The following MFSD8 variants were observed in gnomAD, a reference collection of about 807,000 sequenced individuals.
MFSD8 encodes major facilitator superfamily domain containing 8.
In MFSD8, 55 loss-of-function variants were observed where a neutral mutation model predicts 66.4. The ratio of observed to expected loss-of-function variants is 0.83; its 90% CI spans 0.67 to 1.04. MFSD8 has a LOEUF of 1.04. MFSD8 is among the 50% of genes least tolerant of loss of function. The pLI is 0.00. For missense variants in MFSD8, 550 were observed against 627.6 expected (o/e 0.88, Z 1.32); for synonymous variants, 202 against 212.8 (o/e 0.95, Z 0.44).
At chr4:127,956,285 C>G (rs1244282155) in intron 2 of MFSD8, among the ~76,000 whole-genome samples, 1 of 151,728 alleles carries the variant, frequency 6.6e-6, no homozygotes, top group Non-Finnish European at 1.5e-5. Context: ...TCTGGCAGAT[C>G]ACGAGGTCAG....
At position 127,921,901 on chromosome 4, in the gene MFSD8, A is replaced by C; in HGVS notation, c.1061T>G (p.Leu354Trp). ...GGGAAATTGATTTCCCCAAGGTAAC[A>C]AGATAAAGAAGCCAACCCATACAAC... ...LIVVWVGFFI[L>W]LPWGNQFPKI... is the part of the protein sequence containing the mutation. Residue 354 changes from leucine to tryptophan, a missense_variant, in exon 10 of 12, where the codon TTG becomes TGG. Coordinates refer to ENST00000641686, the MANE Select transcript of MFSD8 (RefSeq NM_001371596.2). 6.2e-7 allele frequency: 1 copy of C among 1,614,202 alleles called. No homozygotes were observed. The highest frequency in any genetic ancestry group is 8.5e-7 in the Non-Finnish European group (1 of 1,180,028).
intron 2 of MFSD8, among the ~76,000 whole-genome samples, chr4:127,952,754 C>T (rs933343095): frequency 6.6e-6 from 1 of 150,914 alleles, no homozygotes; most frequent in Non-Finnish European, 1.5e-5. Flanking sequence ...CCTGTAGTCT[C>T]ATCTATTCAG....
At chr4:127,959,219 T>C (rs1743352174) in intron 1 of MFSD8, among the ~76,000 whole-genome samples, 1 of 152,326 alleles carries the variant, frequency 6.6e-6, no homozygotes, top group East Asian at 1.9e-4. Context: ...AAACAGTCCA[T>C]AAATCCAGAA....
At chr4:127,927,174 G>GT (rs11335208) in intron 9 of MFSD8, among the ~76,000 whole-genome samples, 337 of 147,552 alleles carry the variant, frequency 2.3e-3, no homozygotes, top group African/African-American at 6.5e-3. Context: ...TGTATTAAAT[G>GT]TTTTTTTTTT....
intron 3 of MFSD8, among the ~76,000 whole-genome samples, chr4:127,947,481 G>A (rs548447438): frequency 6.6e-6 from 1 of 151,914 alleles, no homozygotes; most frequent in Admixed American, 6.6e-5. Flanking sequence ...GGGAGACTGA[G>A]GCAGGAGAAT....
chr4:127,965,680 C>G (rs1745074782), upstream of MFSD8: 1 of 176,990 alleles, frequency 5.7e-6, no homozygotes, highest in Non-Finnish European at 1.2e-5. Context: ...GTGTACGCGC[C>G]TGGAGGCAGG....
chr4:127,957,985 T>A (rs915839638), intron 1 of MFSD8, among the ~76,000 whole-genome samples: 3 of 152,182 alleles, frequency 2.0e-5, no homozygotes, highest in African/African-American at 7.2e-5. Flanking sequence ...TAAAAAATAA[T>A]AACTGTCATC....
At chr4:127,921,986 T>C in intron 9 of MFSD8, 23 bp from the exon 10 acceptor site, 1 of 1,590,460 alleles carries the variant, frequency 6.3e-7, no homozygotes, top group Admixed American at 1.7e-5. Flanking sequence ...AGAAACTCTG[T>C]AATTTTAAAA....
rs1378826415 is a variant in MFSD8, at chr4:127,919,284, C to T, written c.*1346G>A. 1 of 152,182 alleles carries T rather than the reference C, an allele frequency of 6.6e-6. No homozygotes were observed. The highest frequency in any genetic ancestry group is 2.4e-5 in the African/African-American group (1 of 41,452). The allele number at this position is 152,182 out of a possible 1,614,324, so 9.4% of individuals were successfully genotyped here. On this transcript the variant is annotated 3_prime_UTR_variant, in exon 12 of 12. Coordinates refer to ENST00000641686, the MANE Select transcript of MFSD8 (RefSeq NM_001371596.2). The stretch of plus-strand genomic sequence containing the variant: ...TGAATTCCTGGCCTCAAGCAATCCT[C>T]CTGCCTTGGCCTTCCAAAGTGCTGG...
intron 9 of MFSD8, among the ~76,000 whole-genome samples, chr4:127,922,347 G>C (rs1736457950): frequency 6.6e-6 from 1 of 152,180 alleles, no homozygotes; most frequent in Non-Finnish European, 1.5e-5. Context: ...TCTGTGGCCT[G>C]GTGTAGTGGC....
At chr4:127,939,718 T>C in intron 6 of MFSD8, 135 bp downstream of exon 6, 1 of 953,350 alleles carries the variant, frequency 1.0e-6, no homozygotes, top group East Asian at 2.8e-5. Context: ...TAGTACTACC[T>C]GACCAAAAAA....
intron 9 of MFSD8, among the ~76,000 whole-genome samples, chr4:127,925,552 CCA>C (rs1737056036): frequency 6.6e-6 from 1 of 152,188 alleles, no homozygotes. Context: ...CCATCTCACA[CCA>C]GTTAGAGTGG....
At chr4:127,953,085 T>C (rs1166676887) in intron 2 of MFSD8, among the ~76,000 whole-genome samples, 3 of 152,132 alleles carry the variant, frequency 2.0e-5, no homozygotes, top group South Asian at 2.1e-4. Context: ...CAGGTATCCA[T>C]ACTTCCTCAA....
chr4:127,922,849 T>C (rs1736542896), intron 9 of MFSD8, among the ~76,000 whole-genome samples: 1 of 152,138 alleles, frequency 6.6e-6, no homozygotes, highest in Non-Finnish European at 1.5e-5. Context: ...AGAATTAAAA[T>C]ACCAGAATTT....
intron 4 of MFSD8, 79 bp downstream of exon 4, chr4:127,943,673 T>G: frequency 6.5e-6 from 10 of 1,532,126 alleles, no homozygotes; most frequent in Non-Finnish European, 9.0e-6. Context: ...TAAAAGGGGA[T>G]GAGACCAGTT....
chr4:127,929,287 C>T (rs1019971453), intron 9 of MFSD8, among the ~76,000 whole-genome samples: 1 of 122,492 alleles, frequency 8.2e-6, no homozygotes, highest in Non-Finnish European at 1.6e-5. Flanking sequence ...CGTGCCACTG[C>T]ACTCCAGCCT....
intron 1 of MFSD8, among the ~76,000 whole-genome samples, chr4:127,962,509 A>T (rs1329441079): frequency 6.6e-6 from 1 of 150,848 alleles, no homozygotes; most frequent in African/African-American, 2.4e-5. Context: ...GTATAGAAGC[A>T]ACAGTCCCAA....
intron 2 of MFSD8, among the ~76,000 whole-genome samples, chr4:127,953,942 A>T (rs1238103413): frequency 6.6e-6 from 1 of 152,206 alleles, no homozygotes; most frequent in Non-Finnish European, 1.5e-5. Flanking sequence ...GTAAATAGAA[A>T]ATATATGGAA....
chr4:127,962,011 G>A (rs577666176), intron 1 of MFSD8, among the ~76,000 whole-genome samples: 2 of 152,154 alleles, frequency 1.3e-5, no homozygotes, highest in South Asian at 4.1e-4. Flanking sequence ...CAAACAAGAA[G>A]CCCCAAATTA....
Sources: gnomAD v4.1 joint callset for allele counts (sites outside exome capture counted in the v4.1 genomes callset) on GRCh38, gnomAD v4.1.1 for gene constraint, MANE v1.5 for transcripts, NCBI Gene and HGNC (gene_info 2026-07-23, HGNC 2026-07-21) for gene names.